The following SLC10A7 variants were observed in gnomAD, a reference collection of about 807,000 sequenced individuals.
The protein encoded by SLC10A7 is sodium/bile acid cotransporter 7.
A neutral mutation model predicts 43.2 loss-of-function variants in SLC10A7; 29 were observed. That is an observed-to-expected ratio of 0.67 (90% CI 0.50 to 0.92). The LOEUF is 0.92. Among genes scored for constraint, SLC10A7 ranks in the 40% least tolerant of loss-of-function variants. SLC10A7 has a pLI of 0.00. For synonymous variants in SLC10A7, 152 were observed against 144.8 expected (o/e 1.05, Z -0.35); for missense variants, 295 against 403.2 (o/e 0.73, Z 2.30).
chr4:146,340,521 G>A (rs531399620), intron 5 of SLC10A7, among the ~76,000 whole-genome samples: 38 of 146,898 alleles, frequency 2.6e-4, no homozygotes, highest in South Asian at 8.6e-4. Flanking sequence ...GTGTGTGTGT[G>A]TATATATATA....
At chr4:146,282,874 C>T (rs1226247031) in intron 10 of SLC10A7, among the ~76,000 whole-genome samples, 3 of 152,098 alleles carry the variant, frequency 2.0e-5, no homozygotes, top group Non-Finnish European at 4.4e-5. Flanking sequence ...TGCCAATTCC[C>T]TATTTAGAAG....
intron 5 of SLC10A7, among the ~76,000 whole-genome samples, chr4:146,332,527 C>A (rs987932216): frequency 1.3e-5 from 2 of 152,102 alleles, no homozygotes; most frequent in South Asian, 4.1e-4. Context: ...TGTAGTACCT[C>A]CTACCTTGCT....
chr4:146,482,725 A>T (rs1054378683), intron 4 of SLC10A7, among the ~76,000 whole-genome samples: 6 of 152,176 alleles, frequency 3.9e-5, no homozygotes, highest in Non-Finnish European at 7.4e-5. Flanking sequence ...AGACAGAGGC[A>T]TCCATATCTA....
At chr4:146,346,695 G>T (rs759290708) in intron 5 of SLC10A7, among the ~76,000 whole-genome samples, 4 of 151,978 alleles carry the variant, frequency 2.6e-5, no homozygotes, top group Non-Finnish European at 5.9e-5. Flanking sequence ...TAACATAATT[G>T]TAATCTATTT....
At chr4:146,370,040 A>C (rs1391011007) in intron 5 of SLC10A7, among the ~76,000 whole-genome samples, 1 of 152,164 alleles carries the variant, frequency 6.6e-6, no homozygotes, top group Non-Finnish European at 1.5e-5. Flanking sequence ...AAAATCACAG[A>C]AGCTGAAAGT....
intron 4 of SLC10A7, among the ~76,000 whole-genome samples, chr4:146,489,009 C>T (rs1735154812): frequency 6.6e-6 from 1 of 152,176 alleles, no homozygotes; most frequent in Admixed American, 6.5e-5. Flanking sequence ...ATAAGAAGCA[C>T]ACATTCCCTG....
intron 4 of SLC10A7, among the ~76,000 whole-genome samples, chr4:146,473,978 C>T (rs1187922435): frequency 6.6e-6 from 1 of 152,064 alleles, no homozygotes; most frequent in African/African-American, 2.4e-5. Context: ...TTTTGCAACA[C>T]ATTAAAGAGG....
At position 146,380,609 on chromosome 4, in the gene SLC10A7, T is replaced by A. The variant is rs117453077; in HGVS notation, c.436-54613A>T. Among the ~76,000 whole-genome samples the A allele has an allele frequency of 1.4e-4, 22 of 152,270 alleles. No individual in the cohort carries two copies. The East Asian group carries it at 3.3e-3, about 23-fold the overall frequency. On this transcript the variant is annotated intron_variant, in intron 5 of 11. Coordinates refer to ENST00000335472, the MANE Select transcript of SLC10A7 (RefSeq NM_001029998.6). ...TACATATGGGGCACTAAATTAGGTG[T>A]TGCTAAAGGCTACAAAGATGAATTG...
Position 146,272,677 on chromosome 4 carries a change from G to A in SLC10A7, c.847+10515C>T, listed in dbSNP as rs960633572. ...GGACAATTGTTTTTTATCGATCTCT[G>A]TTTGCAAGTTGAAATTGAGAGATAC... On this transcript the variant is annotated intron_variant, in intron 10 of 11. Coordinates refer to ENST00000335472, the MANE Select transcript of SLC10A7 (RefSeq NM_001029998.6). Among the ~76,000 whole-genome samples, 4 of 152,128 alleles carry A rather than the reference G, an allele frequency of 2.6e-5. No homozygotes were observed. In the East Asian group the frequency reaches 7.7e-4, roughly 29 times the overall value.
At chr4:146,490,408 AT>A (rs11325296) in intron 4 of SLC10A7, among the ~76,000 whole-genome samples, 122,502 of 152,062 alleles carry the variant, frequency 0.81, 49,830 homozygotes, top group East Asian at 0.96. Flanking sequence ...AGTCCAAAGC[AT>A]TTTTTTGTAG....
chr4:146,443,589 G>T (rs1730778160), intron 4 of SLC10A7, among the ~76,000 whole-genome samples: 1 of 152,070 alleles, frequency 6.6e-6, no homozygotes, highest in African/African-American at 2.4e-5. Flanking sequence ...AAACAAGAAA[G>T]AAAAAATAAT....
intron 5 of SLC10A7, among the ~76,000 whole-genome samples, chr4:146,360,627 T>C (rs1648065586): frequency 1.3e-5 from 2 of 151,936 alleles, no homozygotes; most frequent in Middle Eastern, 3.2e-3. Flanking sequence ...TGTTTGTTTG[T>C]TTTTTTGTTA....
At chr4:146,319,011 C>T (rs1452165017) in intron 6 of SLC10A7, among the ~76,000 whole-genome samples, 2 of 152,052 alleles carry the variant, frequency 1.3e-5, no homozygotes, top group Admixed American at 1.3e-4. Context: ...CTGCCTCCAC[C>T]ATGGTCCCCT....
chr4:146,453,669 T>C (rs574763894), intron 4 of SLC10A7, among the ~76,000 whole-genome samples: 1 of 152,074 alleles, frequency 6.6e-6, no homozygotes, highest in East Asian at 1.9e-4. Flanking sequence ...TATATTCAGA[T>C]TCCTTTCTAA....
chr4:146,402,734 C>T (rs961663083), intron 5 of SLC10A7, among the ~76,000 whole-genome samples: 2 of 152,192 alleles, frequency 1.3e-5, no homozygotes, highest in African/African-American at 2.4e-5. Context: ...AACTCCATTT[C>T]GCCTTGAAGA....
intron 6 of SLC10A7, among the ~76,000 whole-genome samples, chr4:146,312,806 A>G (rs888983401): frequency 4.6e-5 from 7 of 152,184 alleles, no homozygotes; most frequent in African/African-American, 1.2e-4. Flanking sequence ...AAAGTGTGCA[A>G]TCACAGGTTC....
At chr4:146,326,280 A>G (rs771752728) in intron 5 of SLC10A7, among the ~76,000 whole-genome samples, 3 of 152,206 alleles carry the variant, frequency 2.0e-5, no homozygotes, top group Non-Finnish European at 2.9e-5. Context: ...CACGTGGATC[A>G]TACAGATAGA....
chr4:146,492,771 T>C (rs1735572216), intron 4 of SLC10A7, among the ~76,000 whole-genome samples: 1 of 152,146 alleles, frequency 6.6e-6, no homozygotes, highest in Non-Finnish European at 1.5e-5. Flanking sequence ...GCAATAAAAA[T>C]AGATCATATT....
chr4:146,321,210 C>T lies in SLC10A7; in HGVS notation c.471+4751G>A, dbSNP rs528496785. On this transcript the variant is annotated intron_variant, in intron 6 of 11. Coordinates refer to ENST00000335472, the MANE Select transcript of SLC10A7 (RefSeq NM_001029998.6). ...CTCATGGTTCTAGAAGCTCTAAATCCGAAATCAAGCAGAGCCATGTTCCCT... is the reference window on the plus strand; with the variant it reads ...CTCATGGTTCTAGAAGCTCTAAATCTGAAATCAAGCAGAGCCATGTTCCCT... Among the ~76,000 whole-genome samples the T allele has an allele frequency of 8.5e-4, 129 of 152,148 alleles. No homozygotes were observed. The Middle Eastern group carries it at 0.01, about 12-fold the overall frequency.
Sources: allele counts gnomAD v4.1 joint callset (sites outside exome capture counted in the v4.1 genomes callset), GRCh38; gene constraint gnomAD v4.1.1; transcripts MANE v1.5; gene names NCBI Gene and HGNC (gene_info 2026-07-23, HGNC 2026-07-21).